The following RIN2 variants were observed in gnomAD, a reference collection of about 807,000 sequenced individuals.
RIN2 encodes RAB5 interacting protein 2.
In RIN2, 36 loss-of-function variants were observed where a neutral mutation model predicts 78.0. The ratio of observed to expected loss-of-function variants is 0.46; its 90% CI spans 0.35 to 0.61. The LOEUF (loss-of-function observed/expected upper bound fraction) is 0.61, where lower values mean the gene tolerates loss of function less well. RIN2 is among the 20% of genes least tolerant of loss of function. The pLI is 0.00. For synonymous variants in RIN2, 466 were observed against 466.8 expected (o/e 1.00, Z 0.02); for missense variants, 1,087 against 1,159.7 (o/e 0.94, Z 0.91).
chr20:19,988,900 T>TTC lies in RIN2; in HGVS notation c.1763-1105_1763-1104dup, dbSNP rs200405860. 3.2e-3 allele frequency among the ~76,000 whole-genome samples: 477 copies of TTC among 148,454 alleles called. 1 individual carries two copies. The highest frequency in any genetic ancestry group is 0.011 in the African/African-American group (452 of 40,086). On this transcript the variant is annotated intron_variant, in intron 9 of 12. Coordinates refer to ENST00000255006, the MANE Select transcript of RIN2 (RefSeq NM_018993.4). Reference sequence around the variant, plus strand: ...TCTGCCTCATTCTTCTTTCTCTCTCTTCACACACACACACACACACGCGTG... The same window carrying TTC: ...TCTGCCTCATTCTTCTTTCTCTCTCTTCTCACACACACACACACACACGCGTG...
intron 2 of RIN2, among the ~76,000 whole-genome samples, chr20:19,808,726 C>CT (rs1229483751): frequency 4.6e-5 from 7 of 152,222 alleles, no homozygotes; most frequent in African/African-American, 1.2e-4. Flanking sequence ...GGAAGGCCTG[C>CT]TGCTCGCCAC....
intron 3 of RIN2, among the ~76,000 whole-genome samples, chr20:19,896,176 AT>A (rs572434304): frequency 1.3e-5 from 2 of 151,806 alleles, no homozygotes; most frequent in African/African-American, 4.8e-5. Context: ...TTCTTTTTTT[AT>A]TTTTTTTATT....
At chr20:19,759,633 G>A (rs953975832) in intron 1 of RIN2, among the ~76,000 whole-genome samples, 1 of 152,146 alleles carries the variant, frequency 6.6e-6, no homozygotes, top group Non-Finnish European at 1.5e-5. Context: ...GGGAGGCCAA[G>A]GCAGGCAGAT....
chr20:19,957,191 C>G (rs1295725774), intron 5 of RIN2, among the ~76,000 whole-genome samples: 3 of 152,182 alleles, frequency 2.0e-5, no homozygotes, highest in African/African-American at 7.2e-5. Context: ...GGAGCCCTGC[C>G]AAGGTCCAGC....
rs917911353 is a variant in RIN2 at position 19,990,033 on chromosome 20, A to G, written c.1790A>G (p.Lys597Arg). ...GTGGTGCTGGAAAAAGCCATGCACA[A>G]GTGCATCTTGAAGCCCCTCAAGGGG... ...IDVVLEKAMH[K>R]CILKPLKGHV... The change falls in exon 10 of 13, where the codon AAG (lysine) becomes AGG (arginine). Residue 597 changes from lysine to arginine, a missense_variant. Around this residue, in one of 8 missense-constraint regions of RIN2, gnomAD observed 1 missense variants for 16.1 expected, o/e 0.06. Transcript: ENST00000255006. The G allele has an allele frequency of 1.3e-6, 2 of 1,588,582 alleles. No individual in the cohort carries two copies. Among genetic ancestry groups the G allele is most frequent in the African/African-American group, 1.4e-5 (1 of 74,048 alleles).
intron 9 of RIN2, among the ~76,000 whole-genome samples, chr20:19,984,926 A>G (rs1334795524): frequency 6.6e-6 from 1 of 152,212 alleles, no homozygotes; most frequent in Non-Finnish European, 1.5e-5. Flanking sequence ...TGTTGTTTGA[A>G]CAATCACCAA....
chr20:19,849,385 A>G (rs1374568403), intron 2 of RIN2, among the ~76,000 whole-genome samples: 1 of 152,202 alleles, frequency 6.6e-6, no homozygotes, highest in Non-Finnish European at 1.5e-5. Flanking sequence ...CAGGACAGCC[A>G]TGGACACAGG....
intron 3 of RIN2, among the ~76,000 whole-genome samples, chr20:19,920,225 G>A (rs752297027): frequency 2.0e-5 from 3 of 151,938 alleles, no homozygotes; most frequent in Admixed American, 1.3e-4. Flanking sequence ...GAACCCGGGA[G>A]GGGGAGCTTG....
intron 2 of RIN2, among the ~76,000 whole-genome samples, chr20:19,844,884 G>T (rs2036733185): frequency 6.6e-6 from 1 of 151,752 alleles, no homozygotes; most frequent in East Asian, 1.9e-4. Context: ...TTCCTCCACA[G>T]TCCCCCACCC....
At chr20:19,852,940 T>G (rs944998941) in intron 2 of RIN2, among the ~76,000 whole-genome samples, 1 of 152,034 alleles carries the variant, frequency 6.6e-6, no homozygotes, top group African/African-American at 2.4e-5. Context: ...ACGTGCAGGT[T>G]TGTTACATAT....
chr20:19,937,702 A>G (rs1222340397), intron 4 of RIN2, among the ~76,000 whole-genome samples: 1 of 152,250 alleles, frequency 6.6e-6, no homozygotes, highest in Non-Finnish European at 1.5e-5. Context: ...TGGGAAAAAC[A>G]ATTACAGTGA....
At chr20:19,889,923 A>G (rs2038370243) in intron 3 of RIN2, among the ~76,000 whole-genome samples, 1 of 152,040 alleles carries the variant, frequency 6.6e-6, no homozygotes, top group Non-Finnish European at 1.5e-5. Flanking sequence ...TTTATTTGAG[A>G]GCTGCTCAGT....
At chr20:19,841,854 T>G (rs557033179) in intron 2 of RIN2, among the ~76,000 whole-genome samples, 32 of 152,350 alleles carry the variant, frequency 2.1e-4, no homozygotes, top group Non-Finnish European at 3.8e-4. Context: ...CAGGTGCCAG[T>G]GGAGAATCTG....
chr20:19,808,604 T>C (rs1300226549), intron 2 of RIN2, among the ~76,000 whole-genome samples: 2 of 152,206 alleles, frequency 1.3e-5, no homozygotes, highest in East Asian at 1.9e-4. Flanking sequence ...TGGTCTACCC[T>C]GGTTGGTGGG....
chr20:19,909,156 G>T (rs1007244649), intron 3 of RIN2, among the ~76,000 whole-genome samples: 1 of 152,054 alleles, frequency 6.6e-6, no homozygotes. Flanking sequence ...GAGCCACCGC[G>T]CCCAGTCTGC....
rs2042084489 is a variant in RIN2 at position 19,970,926 on chromosome 20, C to A, written c.625C>A (p.Leu209Ile). 1 of 1,610,974 alleles carries A rather than the reference C, an allele frequency of 6.2e-7. No homozygotes were observed. Among genetic ancestry groups the A allele is most frequent in the Non-Finnish European group, 8.5e-7 (1 of 1,178,302 alleles). The change falls in exon 8 of 13, where the codon CTA becomes ATA. Residue 209 changes from leucine to isoleucine, a missense_variant. Transcript: ENST00000255006. ...GCTTGAAGAACTGGCCCAGATGGGACTAAGTAAGTGTGTGCCCCCTGCCTG... is the reference window on the plus strand; with the variant it reads ...GCTTGAAGAACTGGCCCAGATGGGAATAAGTAAGTGTGTGCCCCCTGCCTG... ...AQLEELAQMGLNFWSSPADSK... is the reference protein window; with the variant it reads ...AQLEELAQMGINFWSSPADSK...
intron 2 of RIN2, among the ~76,000 whole-genome samples, chr20:19,862,620 A>G (rs2037378679): frequency 6.7e-6 from 1 of 149,398 alleles, no homozygotes; most frequent in Non-Finnish European, 1.5e-5. Context: ...AAACAAACAA[A>G]CAAGCAAAAA....
intron 3 of RIN2, among the ~76,000 whole-genome samples, chr20:19,934,818 T>A (rs759134079): frequency 3.3e-5 from 5 of 152,074 alleles, no homozygotes; most frequent in Non-Finnish European, 5.9e-5. Flanking sequence ...TTATCTTCCT[T>A]ATTACAATAC....
At chr20:19,765,185 A>G (rs1600395132) in intron 1 of RIN2, among the ~76,000 whole-genome samples, 2 of 151,700 alleles carry the variant, frequency 1.3e-5, no homozygotes, top group Admixed American at 6.6e-5. Flanking sequence ...CCACCCCCAA[A>G]TCTTCTTGGC....
Sources: allele counts gnomAD v4.1 joint callset (sites outside exome capture counted in the v4.1 genomes callset), GRCh38; gene constraint gnomAD v4.1.1; regional missense constraint gnomAD v4.1.1; transcripts MANE v1.5; gene names NCBI Gene and HGNC (gene_info 2026-07-23, HGNC 2026-07-21).